The following SUPT3H variants were observed in gnomAD, a reference collection of about 807,000 sequenced individuals.
SUPT3H encodes transcription initiation protein SPT3 homolog.
In SUPT3H, 44 loss-of-function variants were observed where a neutral mutation model predicts 44.3. The ratio of observed to expected loss-of-function variants is 0.99; its 90% CI spans 0.78 to 1.28. SUPT3H has a LOEUF of 1.28. Among genes scored for constraint, SUPT3H ranks in the 50% most tolerant of loss-of-function variants. The pLI, the probability that SUPT3H is intolerant of heterozygous loss-of-function variation, is 0.00. For synonymous variants in SUPT3H, 124 were observed against 125.6 expected (o/e 0.99, Z 0.09); for missense variants, 380 against 387.1 (o/e 0.98, Z 0.15).
At chr6:45,207,333 G>GA (rs904949489) in intron 2 of SUPT3H, among the ~76,000 whole-genome samples, 86 of 152,300 alleles carry the variant, frequency 5.6e-4, no homozygotes, top group African/African-American at 2.0e-3. Flanking sequence ...GGTCAGTGGT[G>GA]AACCTGAGAA....
In SUPT3H at chr6:45,003,743, C is replaced by T. The variant is rs745881726; in HGVS notation, c.414G>A (p.Gln138=). 7 of 1,613,654 alleles carry T rather than the reference C, an allele frequency of 4.3e-6. No homozygotes were observed. In the African/African-American group the frequency reaches 8.0e-5, roughly 18 times the overall value. ...TCTGGTCAATAGAGTTGAGGAAGTC[C>T]TGAGCAATCTTTTGTCTTTTGTTCG... ...NNANKRQKIA[Q]DFLNSIDQTG... The change falls in exon 6 of 11, where the codon CAG becomes CAA. Residue 138 remains glutamine (Q), a synonymous_variant. Coordinates refer to ENST00000371459, the MANE Select transcript of SUPT3H (RefSeq NM_003599.4).
chr6:45,085,714 C>A (rs979731193), intron 3 of SUPT3H, among the ~76,000 whole-genome samples: 1 of 151,998 alleles, frequency 6.6e-6, no homozygotes, highest in Non-Finnish European at 1.5e-5. Flanking sequence ...CTTATCTTTT[C>A]TGTTAATTAA....
At chr6:45,092,019 G>A (rs1797183145) in intron 3 of SUPT3H, among the ~76,000 whole-genome samples, 1 of 151,748 alleles carries the variant, frequency 6.6e-6, no homozygotes, top group Admixed American at 6.6e-5. Flanking sequence ...TATATTTTCT[G>A]GAACATACTT....
At position 44,975,748 on chromosome 6, in the gene SUPT3H, T is replaced by C. The variant is rs186917844; in HGVS notation, c.505-13920A>G. 9.8e-3 allele frequency among the ~76,000 whole-genome samples: 1,498 copies of C among 152,266 alleles called. 14 individuals are homozygous for C. Among genetic ancestry groups the C allele is most frequent in the Non-Finnish European group, 0.012 (846 of 68,024 alleles). ...TGGGAAAAAAATTGAAATGTCAATA[T>C]ACTTGGAAAGAGTCCTATTAATAAT... On this transcript the variant is annotated intron_variant, in intron 6 of 10. Coordinates refer to ENST00000371459, the MANE Select transcript of SUPT3H (RefSeq NM_003599.4).
At chr6:45,172,934 C>G (rs935605560) in intron 2 of SUPT3H, among the ~76,000 whole-genome samples, 2 of 152,152 alleles carry the variant, frequency 1.3e-5, no homozygotes, top group Non-Finnish European at 2.9e-5. Context: ...TATTGGCTAT[C>G]CTTCAACAGA....
intron 2 of SUPT3H, among the ~76,000 whole-genome samples, chr6:45,166,030 C>A (rs567079594): frequency 1.3e-5 from 2 of 152,322 alleles, no homozygotes; most frequent in Non-Finnish European, 2.9e-5. Flanking sequence ...CAGTGGCTCA[C>A]GCCTGCAATC....
chr6:45,000,680 T>C (rs1358828134), intron 6 of SUPT3H, among the ~76,000 whole-genome samples: 1 of 152,096 alleles, frequency 6.6e-6, no homozygotes, highest in Admixed American at 6.6e-5. Flanking sequence ...ATCAACAAAT[T>C]TTAAGCTGCC....
chr6:45,348,032 T>C (rs1039076816), intron 2 of SUPT3H, among the ~76,000 whole-genome samples: 3 of 148,776 alleles, frequency 2.0e-5, no homozygotes, highest in Non-Finnish European at 3.0e-5. Context: ...TGTGTACACA[T>C]GTGTGGATAT....
chr6:45,098,451 A>G (rs1798098429), intron 3 of SUPT3H: 1 of 204,704 alleles, frequency 4.9e-6, no homozygotes, highest in Non-Finnish European at 1.0e-5. Context: ...CACACTGACC[A>G]GAGACATGCT....
At chr6:45,017,371 T>G (rs1784453826) in intron 4 of SUPT3H, among the ~76,000 whole-genome samples, 1 of 151,150 alleles carries the variant, frequency 6.6e-6, no homozygotes, top group Non-Finnish European at 1.5e-5. Context: ...TTCTCAATTT[T>G]GGCTTTTGTT....
At chr6:44,893,108 C>T (rs923149488) in intron 10 of SUPT3H, among the ~76,000 whole-genome samples, 2 of 152,148 alleles carry the variant, frequency 1.3e-5, no homozygotes, top group African/African-American at 2.4e-5. Flanking sequence ...TATTCATTTA[C>T]AGCAGAGGCC....
intron 3 of SUPT3H, among the ~76,000 whole-genome samples, chr6:45,024,333 T>A (rs1785620294): frequency 6.6e-6 from 1 of 152,170 alleles, no homozygotes; most frequent in South Asian, 2.1e-4. Context: ...GACATTCATT[T>A]TTTTTCTCAC....
intron 4 of SUPT3H, 106 bp from the exon 5 acceptor site, chr6:45,014,997 C>T (rs1784037709): frequency 1.8e-6 from 1 of 565,338 alleles, no homozygotes; most frequent in African/African-American, 2.0e-5. Context: ...CCCATGATAT[C>T]AGAGAAAGTA....
At chr6:45,234,256 T>C (rs1562756053) in intron 2 of SUPT3H, among the ~76,000 whole-genome samples, 1 of 152,004 alleles carries the variant, frequency 6.6e-6, no homozygotes, top group East Asian at 1.9e-4. Context: ...TAAAATACAT[T>C]GATGTTGTTG....
chr6:45,142,942 C>T (rs1191620862), intron 2 of SUPT3H, among the ~76,000 whole-genome samples: 13 of 150,318 alleles, frequency 8.6e-5, no homozygotes, highest in Non-Finnish European at 1.3e-4. Context: ...TTTAAAGCAA[C>T]GACAATTAAA....
intron 10 of SUPT3H, among the ~76,000 whole-genome samples, chr6:44,899,651 C>T (rs183370379): frequency 4.6e-4 from 70 of 152,232 alleles, no homozygotes; most frequent in Non-Finnish European, 7.4e-4. Flanking sequence ...CATGCCACTG[C>T]GCTCCAACCT....
chr6:45,303,935 C>A (rs866807058), intron 2 of SUPT3H, among the ~76,000 whole-genome samples: 1 of 151,292 alleles, frequency 6.6e-6, no homozygotes, highest in Non-Finnish European at 1.5e-5. Flanking sequence ...GGAGGTTGCA[C>A]CACTGCACTC....
rs560113037 is a variant in SUPT3H, at chr6:44,938,883, G to A, written c.802-6120C>T. Among the ~76,000 whole-genome samples, 3 of 152,146 alleles carry A rather than the reference G, an allele frequency of 2.0e-5. No homozygotes were observed. The East Asian group carries it at 5.8e-4, about 29-fold the overall frequency. Reference sequence around the variant, plus strand: ...GATTTCTTTCTCAGCTAGATTATCGGTGAATAGAAACACTACTGATTTTTG... The same window carrying A: ...GATTTCTTTCTCAGCTAGATTATCGATGAATAGAAACACTACTGATTTTTG... On this transcript the variant is annotated intron_variant, in intron 9 of 10. Transcript: ENST00000371459.
At chr6:45,281,447 C>G (rs1778051395) in intron 2 of SUPT3H, among the ~76,000 whole-genome samples, 1 of 152,204 alleles carries the variant, frequency 6.6e-6, no homozygotes, top group Admixed American at 6.5e-5. Context: ...AGATTATATC[C>G]CGTGCCTGGC....
Sources: gnomAD v4.1 joint callset for allele counts (sites outside exome capture counted in the v4.1 genomes callset) on GRCh38, gnomAD v4.1.1 for gene constraint, MANE v1.5 for transcripts, NCBI Gene and HGNC (gene_info 2026-07-23, HGNC 2026-07-21) for gene names.